Variants in EPB41 observed in about 807,000 individuals in gnomAD.
EPB41 encodes the protein erythrocyte membrane protein band 4.1.
EPB41 carries 65 observed loss-of-function variants against 108.0 expected under a neutral mutation model. The ratio of observed to expected loss-of-function variants is 0.60; its 90% confidence interval spans 0.49 to 0.74. The LOEUF is 0.74. EPB41 is among the 30% of genes least tolerant of loss of function. The pLI, the probability that EPB41 is intolerant of heterozygous loss-of-function variation, is 0.00. For synonymous variants in EPB41, 336 were observed against 358.9 expected (o/e 0.94, Z 0.72); for missense variants, 875 against 1,037.0 (o/e 0.84, Z 2.15).
At chr1:29,044,133 A>G (rs1642463095) in intron 11 of EPB41, among the ~76,000 whole-genome samples, 1 of 152,148 alleles carries the variant, frequency 6.6e-6, no homozygotes, top group African/African-American at 2.4e-5. Context: ...TTGTCCAGTA[A>G]ATCACCTTAC....
rs183991024 is a variant in EPB41, at chr1:28,947,220, C to A, written c.-8+32452C>A. ...ATCACAAGGTCAAGACCATCCTGGCCAACATGGTGAGACCTCAAATCCACT... is the reference window on the plus strand; with the variant it reads ...ATCACAAGGTCAAGACCATCCTGGCAAACATGGTGAGACCTCAAATCCACT... On this transcript the variant is annotated intron_variant, in intron 1 of 20. Coordinates refer to ENST00000343067, the MANE Select transcript of EPB41 (RefSeq NM_001376013.1). Among the ~76,000 whole-genome samples, 5 of 152,192 alleles carry A rather than the reference C, an allele frequency of 3.3e-5. No homozygotes were observed. In the East Asian group the frequency reaches 5.8e-4, roughly 18 times the overall value.
intron 3 of EPB41, among the ~76,000 whole-genome samples, chr1:28,993,905 C>CCT (rs1215987581): frequency 6.6e-6 from 1 of 152,044 alleles, no homozygotes; most frequent in Non-Finnish European, 1.5e-5. Context: ...GATCTGCCCA[C>CCT]CTCGGCCTCC....
intron 1 of EPB41, among the ~76,000 whole-genome samples, chr1:28,944,742 C>T (rs557484490): frequency 1.3e-4 from 20 of 151,624 alleles, no homozygotes; most frequent in Admixed American, 1.1e-3. Context: ...ACCATGTTGG[C>T]TGGGCTAGTC....
At chr1:28,966,649 T>C (rs1290819768) in intron 1 of EPB41, among the ~76,000 whole-genome samples, 1 of 152,138 alleles carries the variant, frequency 6.6e-6, no homozygotes, top group Non-Finnish European at 1.5e-5. Flanking sequence ...CAATTTTAGG[T>C]AGGGTGACCA....
At chr1:28,964,045 G>A (rs912950806) in intron 1 of EPB41, among the ~76,000 whole-genome samples, 4 of 152,046 alleles carry the variant, frequency 2.6e-5, no homozygotes, top group African/African-American at 9.7e-5. Flanking sequence ...CATCAAACTT[G>A]TTAGGAGAGC....
chr1:28,889,790 C>T, intron 1 of EPB41: 1 of 985,222 alleles, frequency 1.0e-6, no homozygotes, highest in African/African-American at 1.7e-5. Context: ...CCAAACCGAG[C>T]TTCATTCGGT....
intron 3 of EPB41, among the ~76,000 whole-genome samples, chr1:28,996,470 G>A (rs1316036225): frequency 6.6e-6 from 1 of 152,154 alleles, no homozygotes; most frequent in Non-Finnish European, 1.5e-5. Flanking sequence ...AGAGTCTAAT[G>A]ATTTCCACAG....
upstream of EPB41, among the ~76,000 whole-genome samples, chr1:28,910,193 T>C (rs1570369435): frequency 2.0e-5 from 3 of 152,340 alleles, no homozygotes; most frequent in South Asian, 6.2e-4. Context: ...ACTTACATTT[T>C]TTCTTGTGTT....
intron 12 of EPB41, among the ~76,000 whole-genome samples, chr1:29,057,700 G>T (rs1329080506): frequency 6.6e-6 from 1 of 152,090 alleles, no homozygotes; most frequent in Non-Finnish European, 1.5e-5. Context: ...TTTGGGCATT[G>T]CTCCCTCTAT....
At chr1:28,945,086 A>G (rs1199145233) in intron 1 of EPB41, among the ~76,000 whole-genome samples, 1 of 150,540 alleles carries the variant, frequency 6.6e-6, no homozygotes. Context: ...ATCGTGTCTC[A>G]AAAAAAGAAA....
chr1:29,021,740 G>A (rs1220897546), intron 7 of EPB41, among the ~76,000 whole-genome samples: 2 of 151,970 alleles, frequency 1.3e-5, no homozygotes, highest in Non-Finnish European at 2.9e-5. Context: ...CAGCCACCAC[G>A]CCTAGCTAAT....
chr1:29,008,421 T>C (rs1435380486), intron 4 of EPB41, among the ~76,000 whole-genome samples: 1 of 152,236 alleles, frequency 6.6e-6, no homozygotes, highest in African/African-American at 2.4e-5. Context: ...GATGGTAGTT[T>C]TATCCCAATT....
intron 11 of EPB41, among the ~76,000 whole-genome samples, chr1:29,039,660 A>C (rs1640746081): frequency 6.6e-6 from 1 of 152,058 alleles, no homozygotes; most frequent in Non-Finnish European, 1.5e-5. Flanking sequence ...TAAAAATACA[A>C]AAAATTAGCT....
chr1:29,066,453 A>G (rs1425306049), intron 16 of EPB41, among the ~76,000 whole-genome samples: 1 of 152,190 alleles, frequency 6.6e-6, no homozygotes, highest in Non-Finnish European at 1.5e-5. Context: ...CTACATCTGA[A>G]TAAATGAATC....
At chr1:29,015,059 G>A (rs955571860) in intron 5 of EPB41, among the ~76,000 whole-genome samples, 9 of 152,150 alleles carry the variant, frequency 5.9e-5, no homozygotes, top group Admixed American at 2.0e-4. Flanking sequence ...CTGTCATTAA[G>A]TGAGGCATGG....
At chr1:28,911,235 A>C (rs1177679397), upstream of EPB41, 1 of 923,244 alleles carries the variant, frequency 1.1e-6, no homozygotes, top group Non-Finnish European at 1.3e-6. Flanking sequence ...TAAAATAACA[A>C]AAATTCCTCA....
intron 16 of EPB41, among the ~76,000 whole-genome samples, chr1:29,095,605 T>C (rs1662928636): frequency 6.6e-6 from 1 of 152,042 alleles, no homozygotes; most frequent in Non-Finnish European, 1.5e-5. Context: ...ACCCTGTTTC[T>C]CCAAAACATG....
intron 4 of EPB41, among the ~76,000 whole-genome samples, chr1:29,002,413 C>T (rs2149770011): frequency 6.6e-6 from 1 of 151,288 alleles, no homozygotes; most frequent in South Asian, 2.1e-4. Context: ...GAGTACACCA[C>T]TGCACTTGCC....
rs182391077 is a variant in EPB41 at position 29,018,031 on chromosome 1, C to T, written c.906-193C>T. On this transcript the variant is annotated intron_variant, in intron 6 of 20. Transcript: ENST00000343067. The surrounding 1 kb of genome is among the most constrained non-coding windows in gnomAD (Gnocchi z 4.4). ...TCAAACACACAGAGAGAAATAATAG[C>T]GCAATGAACTACCATATACCAACTA... 5.3e-5 allele frequency among the ~76,000 whole-genome samples: 8 copies of T among 151,950 alleles called. No homozygotes were observed. The highest frequency in any genetic ancestry group is 2.1e-4 in the South Asian group (1 of 4,812).
Sources: gnomAD v4.1 joint callset for allele counts (sites outside exome capture counted in the v4.1 genomes callset) on GRCh38, gnomAD v4.1.1 for gene constraint, Gnocchi (gnomAD v3.1) non-coding constraint, MANE v1.5 for transcripts, NCBI Gene and HGNC (gene_info 2026-07-23, HGNC 2026-07-21) for gene names.